Variants in CSMD1 observed in about 807,000 individuals in gnomAD.
CSMD1 encodes the protein CUB and sushi domain-containing protein 1.
A neutral mutation model predicts 417.5 loss-of-function variants in CSMD1; 213 were observed. That is an observed-to-expected ratio of 0.51 (90% CI 0.46 to 0.57). CSMD1 has a LOEUF of 0.57. Ranked by LOEUF, CSMD1 falls within the 20% of genes least tolerant of loss-of-function variation. CSMD1 has a pLI of 0.00. For synonymous variants in CSMD1, 2,862 were observed against 1,736.8 expected, an observed-to-expected ratio of 1.65 and a Z score of -16.11; for missense variants, 6,923 against 4,529.7, an observed-to-expected ratio of 1.53 and a Z score of -15.17.
chr8:4,603,536 G>A (rs796958355), intron 2 of CSMD1, among the ~76,000 whole-genome samples: 6 of 152,000 alleles, frequency 3.9e-5, no homozygotes, highest in African/African-American at 1.2e-4. Context: ...TAAAATAAAA[G>A]GAAAGAAAAC....
intron 7 of CSMD1, among the ~76,000 whole-genome samples, chr8:3,626,402 AT>A (rs1360942752): frequency 2.0e-5 from 3 of 152,212 alleles, no homozygotes; most frequent in African/African-American, 7.2e-5. Context: ...GCCAGTTTAT[AT>A]TACTTTGCAT....
intron 3 of CSMD1, among the ~76,000 whole-genome samples, chr8:4,369,401 G>A (rs1584968480): frequency 6.6e-6 from 1 of 152,190 alleles, no homozygotes; most frequent in African/African-American, 2.4e-5. Flanking sequence ...GTGCAGGTAA[G>A]AAGAAAGTAT....
intron 3 of CSMD1, among the ~76,000 whole-genome samples, chr8:4,196,193 G>A (rs1241672209): frequency 2.0e-5 from 3 of 152,010 alleles, no homozygotes; most frequent in Admixed American, 6.6e-5. Flanking sequence ...CCTGGGCGAC[G>A]GAGCAAGACT....
At chr8:3,293,554 C>G (rs1399901509) in intron 25 of CSMD1, among the ~76,000 whole-genome samples, 2 of 152,092 alleles carry the variant, frequency 1.3e-5, no homozygotes, top group African/African-American at 2.4e-5. Flanking sequence ...CTAAACTTCT[C>G]TTCTTGCTTC....
chr8:3,453,006 G>A (rs1030358152), intron 12 of CSMD1, among the ~76,000 whole-genome samples: 1 of 152,114 alleles, frequency 6.6e-6, no homozygotes, highest in East Asian at 1.9e-4. Context: ...CCTGTTATTG[G>A]TCTATTCAGA....
chr8:4,800,714 C>T (rs1035486635), intron 1 of CSMD1, among the ~76,000 whole-genome samples: 4 of 152,278 alleles, frequency 2.6e-5, no homozygotes, highest in African/African-American at 9.6e-5. Flanking sequence ...AACCCTCATT[C>T]CAGAGCTGCA....
At chr8:4,079,729 G>A (rs1210108393) in intron 3 of CSMD1, among the ~76,000 whole-genome samples, 1 of 152,090 alleles carries the variant, frequency 6.6e-6, no homozygotes, top group Non-Finnish European at 1.5e-5. Flanking sequence ...ATAGCCCAAT[G>A]GATATTTTTG....
chr8:4,106,518 C>A (rs915272681), intron 3 of CSMD1, among the ~76,000 whole-genome samples: 1 of 151,978 alleles, frequency 6.6e-6, no homozygotes, highest in African/African-American at 2.4e-5. Flanking sequence ...GAATGAGAGC[C>A]TCCTATGATA....
At chr8:4,372,177 T>A (rs1554449605) in intron 3 of CSMD1, among the ~76,000 whole-genome samples, 1 of 152,198 alleles carries the variant, frequency 6.6e-6, no homozygotes, top group South Asian at 2.1e-4. Flanking sequence ...CAAAAAGAGA[T>A]ATTTTTTTGT....
intron 4 of CSMD1, among the ~76,000 whole-genome samples, chr8:4,022,441 G>A (rs945699879): frequency 8.5e-5 from 13 of 152,090 alleles, no homozygotes; most frequent in African/African-American, 1.4e-4. Context: ...ATCCATGGGC[G>A]TGGATGCAGA....
chr8:3,828,484 G>A (rs1802182103), intron 5 of CSMD1, among the ~76,000 whole-genome samples: 1 of 152,116 alleles, frequency 6.6e-6, no homozygotes, highest in Non-Finnish European at 1.5e-5. Flanking sequence ...AAAATCACTT[G>A]ATCTTTATCA....
At chr8:3,277,647 G>A (rs1802403484) in intron 26 of CSMD1, among the ~76,000 whole-genome samples, 1 of 152,164 alleles carries the variant, frequency 6.6e-6, no homozygotes, top group Non-Finnish European at 1.5e-5. Flanking sequence ...ATTGGGAAAA[G>A]CATGAACAAG....
intron 69 of CSMD1, among the ~76,000 whole-genome samples, chr8:2,939,795 A>G (rs1263650625): frequency 1.3e-5 from 2 of 152,238 alleles, no homozygotes; most frequent in East Asian, 3.9e-4. Context: ...GAGGTCCGTG[A>G]CATTGTGCTT....
At chr8:3,455,450 C>T (rs752127797) in intron 12 of CSMD1, among the ~76,000 whole-genome samples, 29 of 152,136 alleles carry the variant, frequency 1.9e-4, no homozygotes, top group Non-Finnish European at 3.7e-4. Flanking sequence ...GTTTTATCTT[C>T]CTTTGGTCTT....
At chr8:4,255,747 C>G (rs1332687741) in intron 3 of CSMD1, among the ~76,000 whole-genome samples, 2 of 152,182 alleles carry the variant, frequency 1.3e-5, no homozygotes, top group Non-Finnish European at 2.9e-5. Context: ...TAGACTTAAA[C>G]AAAAGTTCTA....
At chr8:3,650,955 A>G (rs2449204) in intron 7 of CSMD1, among the ~76,000 whole-genome samples, 143,503 of 152,236 alleles carry the variant, frequency 0.94, 67,722 homozygotes, top group African/African-American at 0.99. Context: ...TTCGCCCACT[A>G]TATTTCCCTA....
chr8:3,886,778 T>C (rs557078867), intron 5 of CSMD1, among the ~76,000 whole-genome samples: 6 of 152,144 alleles, frequency 3.9e-5, no homozygotes, highest in South Asian at 2.1e-4. Context: ...TAGGGACAGA[T>C]ATACTGCCAA....
At chr8:4,128,248 T>C (rs951357562) in intron 3 of CSMD1, among the ~76,000 whole-genome samples, 3 of 152,004 alleles carry the variant, frequency 2.0e-5, no homozygotes, top group Admixed American at 1.3e-4. Context: ...GGCTGACAGG[T>C]GCAATCCCGT....
chr8:3,029,916 T>A (rs748163396), intron 50 of CSMD1, among the ~76,000 whole-genome samples: 43 of 152,078 alleles, frequency 2.8e-4, no homozygotes, highest in Non-Finnish European at 5.9e-5. Context: ...GCAAACCAGC[T>A]GGGACACTAA....
Sources: gnomAD v4.1 joint callset for allele counts (sites outside exome capture counted in the v4.1 genomes callset) on GRCh38, gnomAD v4.1.1 for gene constraint, MANE v1.5 for transcripts, NCBI Gene and HGNC (gene_info 2026-07-23, HGNC 2026-07-21) for gene names.